The following LYSMD2 variants were observed in gnomAD, a reference collection of about 807,000 sequenced individuals.
LYSMD2 encodes the protein LysM domain containing 2.
LYSMD2 carries 6 observed loss-of-function variants against 17.7 expected under a neutral mutation model. That is an observed-to-expected ratio of 0.34 (90% confidence interval 0.19 to 0.67). LYSMD2 has a LOEUF of 0.67. Ranked by LOEUF, LYSMD2 falls within the 30% of genes least tolerant of loss-of-function variation. LYSMD2 has a pLI of 0.69. For missense variants in LYSMD2, 237 were observed against 286.7 expected, an observed-to-expected ratio of 0.83 and a Z score of 1.25; for synonymous variants, 102 against 129.8, an observed-to-expected ratio of 0.79 and a Z score of 1.45.
At chr15:51,733,896 A>T (rs1472623559) in intron 1 of LYSMD2, among the ~76,000 whole-genome samples, 2 of 152,110 alleles carry the variant, frequency 1.3e-5, no homozygotes, top group Non-Finnish European at 2.9e-5. Context: ...TTAAAAATGG[A>T]GACTCTGGCC....
exon 1 of LYSMD2, chr15:51,751,440 C>G (rs558868854): frequency 4.4e-6 from 3 of 677,476 alleles, no homozygotes; most frequent in South Asian, 3.1e-5. Flanking sequence ...AGAGCTGTGG[C>G]GGGGTTCAGA....
upstream of LYSMD2, among the ~76,000 whole-genome samples, chr15:51,739,094 A>G (rs2055630732): frequency 6.6e-6 from 1 of 152,032 alleles, no homozygotes; most frequent in Non-Finnish European, 1.5e-5. Context: ...CCTCCATGAG[A>G]TTTTTCCTAA....
At chr15:51,737,777 C>G (rs1472651229), upstream of LYSMD2, 4 of 483,340 alleles carry the variant, frequency 8.3e-6, no homozygotes, top group Non-Finnish European at 1.3e-5. The surrounding 1 kb of genome is among the most constrained non-coding windows in gnomAD (Gnocchi z 4.2). Context: ...AGCCGCAGGC[C>G]GGGCATGGCG....
At chr15:51,738,013 T>G, upstream of LYSMD2, 1 of 157,238 alleles carries the variant, frequency 6.4e-6, no homozygotes, top group Non-Finnish European at 1.4e-5. Flanking sequence ...GATAGAGCCC[T>G]GGCAGAACCC....
intron 1 of LYSMD2, among the ~76,000 whole-genome samples, chr15:51,749,840 A>G (rs1010151995): frequency 1.3e-5 from 2 of 152,240 alleles, no homozygotes; most frequent in Non-Finnish European, 2.9e-5. Context: ...AAAACTTGGG[A>G]ACATGACTTA....
At chr15:51,741,679 G>A (rs1326942904), upstream of LYSMD2, among the ~76,000 whole-genome samples, 2 of 152,104 alleles carry the variant, frequency 1.3e-5, no homozygotes, top group East Asian at 3.9e-4. Flanking sequence ...CAGCACTTTG[G>A]AAGGCCAACG....
intron 1 of LYSMD2, among the ~76,000 whole-genome samples, chr15:51,734,495 G>A: frequency 6.6e-6 from 1 of 152,164 alleles, no homozygotes. Context: ...CTTGTACCTA[G>A]ACTACGACTG....
chr15:51,737,472 A>C lies in LYSMD2; in HGVS notation c.151T>G (p.Ser51Ala). Residue 51 changes from serine to alanine, a missense_variant, in exon 1 of 3, where the codon TCG becomes GCG. Ser to Ala is a moderately conservative substitution (Grantham distance 99, BLOSUM62 1). Transcript: ENST00000267838. The surrounding 1 kb of genome is among the most constrained non-coding windows in gnomAD (Gnocchi z 4.2). ...CGCACGCTGGCGGTGCTGCCGTACG[A>C]GCGGGTCTTGGTGCGGGCCAGGCTC... ...SLSLARTKTR[S>A]YGSTASVRAP... 7.0e-7 allele frequency: 1 copy of C among 1,421,280 alleles called. No homozygotes were observed. Among genetic ancestry groups the C allele is most frequent in the East Asian group, 3.1e-5 (1 of 32,054 alleles). 88.0% of individuals were successfully genotyped at this position (1,421,280 alleles called of 1,614,324 possible).
At chr15:51,750,067 G>T (rs2055689815) in intron 1 of LYSMD2, among the ~76,000 whole-genome samples, 1 of 152,222 alleles carries the variant, frequency 6.6e-6, no homozygotes, top group South Asian at 2.1e-4. Context: ...TGCTGGGGAA[G>T]GTATGGCCCT....
chr15:51,726,074 C>G (rs1266602811), intron 1 of LYSMD2, among the ~76,000 whole-genome samples: 1 of 152,208 alleles, frequency 6.6e-6, no homozygotes, highest in Non-Finnish European at 1.5e-5. Flanking sequence ...GGACCCTGTT[C>G]ATCCTGCTTT....
At chr15:51,739,886 C>T (rs2055634488), upstream of LYSMD2, among the ~76,000 whole-genome samples, 1 of 152,116 alleles carries the variant, frequency 6.6e-6, no homozygotes, top group Admixed American at 6.5e-5. Context: ...GAGATCATGC[C>T]ACTGCACTCC....
At chr15:51,747,653 TCTATAAG>T (rs2055674864) in intron 1 of LYSMD2, among the ~76,000 whole-genome samples, 1 of 152,250 alleles carries the variant, frequency 6.6e-6, no homozygotes, top group Admixed American at 6.5e-5. Context: ...TTTCTGTGTA[TCTATAAG>T]CTTTCTCTCC....
intron 1 of LYSMD2, among the ~76,000 whole-genome samples, chr15:51,745,878 G>A (rs2055665405): frequency 6.6e-6 from 1 of 152,152 alleles, no homozygotes; most frequent in South Asian, 2.1e-4. Flanking sequence ...TTAGTCATTA[G>A]GGAAATCATT....
intron 1 of LYSMD2, among the ~76,000 whole-genome samples, chr15:51,735,371 G>A (rs2055602147): frequency 6.6e-6 from 1 of 152,092 alleles, no homozygotes; most frequent in Non-Finnish European, 1.5e-5. Flanking sequence ...TTGCCTTCTA[G>A]AGAACATCCG....
At chr15:51,725,290 T>A (rs2055531651) in intron 1 of LYSMD2, among the ~76,000 whole-genome samples, 169 bp from the exon 2 acceptor site, 1 of 152,246 alleles carries the variant, frequency 6.6e-6, no homozygotes, top group South Asian at 2.1e-4. Context: ...TCTCTAGTTA[T>A]TTCAAGAGAT....
intron 1 of LYSMD2, among the ~76,000 whole-genome samples, chr15:51,733,406 G>C (rs1293829296): frequency 1.3e-5 from 2 of 151,092 alleles, no homozygotes; most frequent in African/African-American, 4.9e-5. Flanking sequence ...ACTCACTATT[G>C]TATCACCAGA....
rs745702143 is a variant in LYSMD2, at chr15:51,724,877, T to A, written c.518A>T (p.Glu173Val). 2 of 1,614,106 alleles carry A rather than the reference T, an allele frequency of 1.2e-6. No individual in the cohort carries two copies. Among genetic ancestry groups the A allele is most frequent in the South Asian group, 2.2e-5 (2 of 91,078 alleles). ...ESDVQPVQPE[E>V]VSARDFLQRL... ...CTGCAGGAAATCTCTGGCTGACACT[T>A]CCTCAGGCTGCACAGGCTGAACATC... The change falls in exon 2 of 3, where the codon GAA (glutamate) becomes GTA (valine). Residue 173 changes from glutamate (E) to valine (V), a missense_variant. Glu to Val is a moderately radical substitution (Grantham distance 121, BLOSUM62 -2). Coordinates refer to ENST00000267838, the MANE Select transcript of LYSMD2 (RefSeq NM_153374.3).
At chr15:51,746,621 T>C (rs936844187) in intron 1 of LYSMD2, among the ~76,000 whole-genome samples, 3 of 152,152 alleles carry the variant, frequency 2.0e-5, no homozygotes, top group African/African-American at 7.2e-5. Context: ...GAAATATGTC[T>C]TAACAAAACT....
chr15:51,740,044 C>T (rs1455994793), upstream of LYSMD2, among the ~76,000 whole-genome samples: 12 of 152,184 alleles, frequency 7.9e-5, no homozygotes, highest in South Asian at 6.2e-4. Flanking sequence ...CTGCAAGCTC[C>T]GCCTCCCAGG....
Sources: gnomAD v4.1 joint callset for allele counts (sites outside exome capture counted in the v4.1 genomes callset) on GRCh38, gnomAD v4.1.1 for gene constraint, Gnocchi (gnomAD v3.1) non-coding constraint, MANE v1.5 for transcripts, NCBI Gene and HGNC (gene_info 2026-07-23, HGNC 2026-07-21) for gene names.